Variants in MIS18A observed in about 807,000 individuals in gnomAD.
MIS18A encodes MIS18 kinetochore protein A, also known as protein Mis18-alpha.
MIS18A carries 14 observed loss-of-function variants against 25.0 expected under a neutral mutation model. That is an observed-to-expected ratio of 0.56 (90% CI 0.37 to 0.88). MIS18A has a LOEUF of 0.88. Among genes scored for constraint, MIS18A ranks in the 40% least tolerant of loss-of-function variants. The pLI, the probability that MIS18A is intolerant of heterozygous loss-of-function variation, is 0.00. For missense variants in MIS18A, 292 were observed against 290.8 expected (o/e 1.00, Z -0.03); for synonymous variants, 134 against 118.6 (o/e 1.13, Z -0.84).
chr21:32,159,493 T>C, the MIS18A span, among the ~76,000 whole-genome samples: 1 of 152,238 alleles, frequency 6.6e-6, no homozygotes, highest in African/African-American at 2.4e-5. Flanking sequence ...CTGTGTTTTA[T>C]AGTTTATAAC....
At chr21:32,187,232 C>A in the MIS18A span, among the ~76,000 whole-genome samples, 5 of 152,222 alleles carry the variant, frequency 3.3e-5, no homozygotes, top group African/African-American at 1.2e-4. Context: ...TCTGTCCTTT[C>A]AGGCCATCTG....
the MIS18A span, among the ~76,000 whole-genome samples, chr21:32,155,952 G>A: frequency 1.3e-5 from 2 of 149,856 alleles, no homozygotes; most frequent in African/African-American, 2.5e-5. Context: ...CAATTGTTAG[G>A]AAAAAAAAAA....
the MIS18A span, among the ~76,000 whole-genome samples, chr21:32,246,068 C>T: frequency 6.6e-6 from 1 of 152,026 alleles, no homozygotes; most frequent in African/African-American, 2.4e-5. Flanking sequence ...GGTGCTACAC[C>T]CTTTTAAACA....
In MIS18A at chr21:32,270,467, G is replaced by A. The variant is rs754925175; in HGVS notation, c.464C>T (p.Thr155Met). 6 of 1,612,658 alleles carry A rather than the reference G, an allele frequency of 3.7e-6. No individual in the cohort carries two copies. The highest frequency in any genetic ancestry group is 2.2e-5 in the East Asian group (1 of 44,772). Residue 155 changes from threonine to methionine, a missense_variant, in exon 3 of 5, where the codon ACG becomes ATG. Coordinates refer to ENST00000290130, the MANE Select transcript of MIS18A (RefSeq NM_018944.3). Reference sequence around the variant, plus strand: ...TCTCTTGTAATCAAGATTCTTGGGCGTGCATCTGTACACGTAGCCAAGATT... The same window carrying A: ...TCTCTTGTAATCAAGATTCTTGGGCATGCATCTGTACACGTAGCCAAGATT... ...SLNLGYVYRC[T>M]PKNLDYKRDL...
chr21:32,161,229 G>C, the MIS18A span, among the ~76,000 whole-genome samples: 2 of 152,092 alleles, frequency 1.3e-5, no homozygotes, highest in Non-Finnish European at 2.9e-5. Flanking sequence ...GAATCCCATC[G>C]AGGATACAAA....
At chr21:32,253,618 T>C in the MIS18A span, among the ~76,000 whole-genome samples, 17 of 151,174 alleles carry the variant, frequency 1.1e-4, no homozygotes, top group African/African-American at 3.9e-4. Context: ...AGCGGGAGAG[T>C]GAGCGACCTG....
the MIS18A span, among the ~76,000 whole-genome samples, chr21:32,204,924 T>C: frequency 6.6e-6 from 1 of 151,968 alleles, no homozygotes; most frequent in Admixed American, 6.6e-5. Context: ...ACAGCAACCC[T>C]AGACTATAAC....
the MIS18A span, among the ~76,000 whole-genome samples, chr21:32,233,115 G>C: frequency 1.3e-5 from 2 of 152,142 alleles, no homozygotes; most frequent in Admixed American, 1.3e-4. Context: ...CTTTAAATAG[G>C]CCAGTGTTTA....
the MIS18A span, among the ~76,000 whole-genome samples, chr21:32,231,731 G>A: frequency 6.6e-6 from 1 of 152,250 alleles, no homozygotes; most frequent in East Asian, 1.9e-4. Context: ...GATAAACACG[G>A]TGAAACCTCG....
the MIS18A span, among the ~76,000 whole-genome samples, chr21:32,180,504 T>C: frequency 1.3e-5 from 2 of 152,192 alleles, no homozygotes; most frequent in East Asian, 1.9e-4. Flanking sequence ...TGTGAATGCA[T>C]TGTTGTTTCT....
Position 32,268,269 on chromosome 21 carries a change from C to A in MIS18A, c.*768G>T, listed in dbSNP as rs1224051315. ...TTCTCTTCAATTAGAAAAATACATA[C>A]TACAAAAGTTTCACATTATAGAAAA... On this transcript the variant is annotated 3_prime_UTR_variant, in exon 5 of 5. Transcript: ENST00000290130. 1 of 152,168 alleles carries A rather than the reference C, an allele frequency of 6.6e-6. No homozygotes were observed. The highest frequency in any genetic ancestry group is 1.5e-5 in the Non-Finnish European group (1 of 68,024). The allele number at this position is 152,168 out of a possible 1,614,324, so 9.4% of individuals were successfully genotyped here. A position where few individuals can be genotyped will look rare whatever the true frequency, so the allele number is the denominator to read the frequency against.
At chr21:32,214,729 C>T in the MIS18A span, among the ~76,000 whole-genome samples, 2 of 152,228 alleles carry the variant, frequency 1.3e-5, no homozygotes, top group Non-Finnish European at 2.9e-5. Flanking sequence ...ATGACAATAG[C>T]AATGTTACCT....
the MIS18A span, among the ~76,000 whole-genome samples, chr21:32,205,397 T>C: frequency 6.6e-6 from 1 of 152,064 alleles, no homozygotes; most frequent in East Asian, 1.9e-4. Flanking sequence ...TCATCCTTCT[T>C]ATCTGTCTCA....
At chr21:32,223,538 A>G in the MIS18A span, among the ~76,000 whole-genome samples, 1 of 152,222 alleles carries the variant, frequency 6.6e-6, no homozygotes, top group Non-Finnish European at 1.5e-5. Context: ...GAAGAAATGG[A>G]TAAATTCCTG....
chr21:32,255,890 C>CA, the MIS18A span, among the ~76,000 whole-genome samples: 663 of 105,400 alleles, frequency 6.3e-3, 4 homozygotes, highest in Admixed American at 0.012. Context: ...GACTCTGTCC[C>CA]AAAAAAAAAA....
At chr21:32,240,954 G>C in the MIS18A span, among the ~76,000 whole-genome samples, 1 of 152,192 alleles carries the variant, frequency 6.6e-6, no homozygotes, top group Admixed American at 6.5e-5. Context: ...ATGTCTGGGA[G>C]ACTTGACAGA....
rs745923565 is a variant in MIS18A at position 32,278,842 on chromosome 21, T to A, written c.173A>T (p.Asp58Val). The A allele has an allele frequency of 1.2e-6, 2 of 1,609,952 alleles. No homozygotes were observed. Among genetic ancestry groups the A allele is most frequent in the Non-Finnish European group, 1.7e-6 (2 of 1,178,852 alleles). The change falls in exon 1 of 5, where the codon GAC becomes GTC. Residue 58 changes from aspartate to valine, a missense_variant. Coordinates refer to ENST00000290130, the MANE Select transcript of MIS18A (RefSeq NM_018944.3). ...CCTCTCCATGTCGGCCACCGACGCGTCTTCGCTCATGGAGCTCCACATGCT... is the reference window on the plus strand; with the variant it reads ...CCTCTCCATGTCGGCCACCGACGCGACTTCGCTCATGGAGCTCCACATGCT... The part of the protein sequence containing the change: ...WASMWSSMSE[D>V]ASVADMERAQ...
At chr21:32,260,403 C>CAG in the MIS18A span, 1 of 151,904 alleles carries the variant, frequency 6.6e-6, no homozygotes. Flanking sequence ...AGGTGTGAGA[C>CAG]AGAGAGTACA....
chr21:32,253,182 G>A, the MIS18A span, among the ~76,000 whole-genome samples: 4 of 152,148 alleles, frequency 2.6e-5, no homozygotes, highest in Admixed American at 1.3e-4. Context: ...CAGCATCAGA[G>A]TTGTGCACTG....
Sources: gnomAD v4.1 joint callset for allele counts (sites outside exome capture counted in the v4.1 genomes callset) on GRCh38, gnomAD v4.1.1 for gene constraint, MANE v1.5 for transcripts, NCBI Gene and HGNC (gene_info 2026-07-23, HGNC 2026-07-21) for gene names.